ESR1: variants seen among roughly 807,000 people sequenced by gnomAD.
ESR1 encodes estrogen receptor 1.
ESR1 carries 12 observed loss-of-function variants against 52.7 expected under a neutral mutation model. The ratio of observed to expected loss-of-function variants is 0.23; its 90% confidence interval spans 0.15 to 0.37. The LOEUF (loss-of-function observed/expected upper bound fraction) is 0.37. Among genes scored for constraint, ESR1 ranks in the 10% least tolerant of loss-of-function variants. The probability of loss-of-function intolerance (pLI) is 1.00; values close to 1 mark genes in which losing one functional copy is unlikely to be tolerated. For synonymous variants in ESR1, 305 were observed against 316.8 expected, an observed-to-expected ratio of 0.96 and a Z score of 0.39; for missense variants, 584 against 779.7, an observed-to-expected ratio of 0.75 and a Z score of 2.99.
At chr6:151,988,294 T>C (rs1452800410) in intron 4 of ESR1, among the ~76,000 whole-genome samples, 1 of 152,052 alleles carries the variant, frequency 6.6e-6, no homozygotes, top group Non-Finnish European at 1.5e-5. Flanking sequence ...TAGATTATCA[T>C]AAGGAGTGCA....
At chr6:151,664,043 C>T (rs1332298604) in intron 1 of ESR1, among the ~76,000 whole-genome samples, 1 of 152,108 alleles carries the variant, frequency 6.6e-6, no homozygotes, top group East Asian at 1.9e-4. Context: ...GTTTCCACTG[C>T]CCTTTGTTTT....
At chr6:152,040,816 A>C (rs2045726060) in intron 5 of ESR1, among the ~76,000 whole-genome samples, 2 of 152,186 alleles carry the variant, frequency 1.3e-5, no homozygotes, top group Non-Finnish European at 2.9e-5. Flanking sequence ...CCATGAGGCC[A>C]TCAGTGCAGG....
At chr6:151,718,754 G>A (rs79041188) in intron 2 of ESR1, among the ~76,000 whole-genome samples, 1,908 of 152,310 alleles carry the variant, frequency 0.013, 17 homozygotes, top group Non-Finnish European at 0.019. Context: ...GAAAAGGAGA[G>A]CAGAGTAGAG....
intron 2 of ESR1, among the ~76,000 whole-genome samples, chr6:151,771,590 T>C (rs1583212567): frequency 6.6e-6 from 1 of 152,212 alleles, no homozygotes; most frequent in Admixed American, 6.5e-5. Context: ...CCTTAATATA[T>C]CATGGAGTGA....
chr6:151,694,796 A>G (rs1779208577), intron 1 of ESR1, among the ~76,000 whole-genome samples: 1 of 47,208 alleles, frequency 2.1e-5, no homozygotes, highest in Non-Finnish European at 4.6e-5. Flanking sequence ...AAAAAAAGAC[A>G]AAAAAAAAAA....
chr6:151,891,736 ATGAG>A (rs1406060349), intron 3 of ESR1, among the ~76,000 whole-genome samples: 2 of 152,180 alleles, frequency 1.3e-5, no homozygotes, highest in African/African-American at 4.8e-5. Context: ...AGACATATGC[ATGAG>A]TAAGATATTA....
intron 1 of ESR1, among the ~76,000 whole-genome samples, chr6:151,683,586 G>A (rs1778537899): frequency 6.6e-6 from 1 of 152,254 alleles, no homozygotes; most frequent in Admixed American, 6.5e-5. Context: ...TAGGAGGCAT[G>A]GGAGATACAG....
At chr6:151,714,254 A>C (rs1780849845) in intron 2 of ESR1, among the ~76,000 whole-genome samples, 3 of 152,148 alleles carry the variant, frequency 2.0e-5, no homozygotes, top group Non-Finnish European at 4.4e-5. Flanking sequence ...TTTTACTTCT[A>C]ATTATGTGGT....
chr6:151,893,595 A>T lies in ESR1; in HGVS notation c.760+12824A>T, dbSNP rs373533320. 6.1e-4 allele frequency among the ~76,000 whole-genome samples: 93 copies of T among 152,210 alleles called. 1 individual carries two copies. In the East Asian group the frequency reaches 0.015, roughly 24 times the overall value. ...GTGATATATTTTATTTAACTAATAT[A>T]CCCCAAATAGTATTTCAATACAGAA... On this transcript the variant is annotated intron_variant, in intron 3 of 7. Coordinates refer to ENST00000206249, the MANE Select transcript of ESR1 (RefSeq NM_000125.4).
At chr6:151,702,159 T>C (rs1258114366) in intron 2 of ESR1, among the ~76,000 whole-genome samples, 2 of 152,190 alleles carry the variant, frequency 1.3e-5, no homozygotes, top group Non-Finnish European at 2.9e-5. Flanking sequence ...GTACACCTAC[T>C]ATCTGATGGG....
At chr6:152,026,147 T>C (rs2044129597) in intron 5 of ESR1, among the ~76,000 whole-genome samples, 1 of 152,080 alleles carries the variant, frequency 6.6e-6, no homozygotes, top group Non-Finnish European at 1.5e-5. Context: ...AAATGTTCCA[T>C]GTATACTTGA....
intron 1 of ESR1, among the ~76,000 whole-genome samples, chr6:151,691,421 C>T (rs1180420259): frequency 2.0e-5 from 3 of 152,158 alleles, no homozygotes; most frequent in Admixed American, 1.3e-4. Context: ...AGGAAATGCT[C>T]GCTGAACTGT....
At chr6:152,021,578 A>G (rs9340994) in intron 5 of ESR1, among the ~76,000 whole-genome samples, 6,288 of 152,216 alleles carry the variant, frequency 0.041, 174 homozygotes, top group Middle Eastern at 0.075. Flanking sequence ...CCATTCTCCA[A>G]TGGTGCCAAT....
chr6:152,108,728 G>A (rs2051096697), intron 6 of ESR1, among the ~76,000 whole-genome samples: 1 of 152,156 alleles, frequency 6.6e-6, no homozygotes, highest in African/African-American at 2.4e-5. Context: ...CCTGACTGGG[G>A]CTGGATTACA....
At chr6:151,925,025 G>C (rs772747324) in intron 3 of ESR1, among the ~76,000 whole-genome samples, 1 of 152,062 alleles carries the variant, frequency 6.6e-6, no homozygotes, top group Non-Finnish European at 1.5e-5. Flanking sequence ...AGGTCTTTGA[G>C]GGATTTCCAC....
At chr6:151,921,734 T>G (rs1228757059) in intron 3 of ESR1, among the ~76,000 whole-genome samples, 4 of 152,218 alleles carry the variant, frequency 2.6e-5, no homozygotes, top group Admixed American at 6.5e-5. Context: ...CATGAATGTC[T>G]TCTTTTGAAA....
chr6:151,782,122 A>T (rs1478002241), intron 2 of ESR1, among the ~76,000 whole-genome samples: 1 of 152,214 alleles, frequency 6.6e-6, no homozygotes, highest in South Asian at 2.1e-4. Context: ...AAAACTGAAG[A>T]CTTCAAATTT....
intron 2 of ESR1, among the ~76,000 whole-genome samples, chr6:151,732,899 C>G (rs1782364353): frequency 6.6e-6 from 1 of 152,190 alleles, no homozygotes; most frequent in Non-Finnish European, 1.5e-5. Flanking sequence ...AATCTAACCT[C>G]TGCAGCTGCA....
chr6:151,859,145 A>T (rs1159299109), intron 2 of ESR1, among the ~76,000 whole-genome samples: 1 of 152,004 alleles, frequency 6.6e-6, no homozygotes, highest in Non-Finnish European at 1.5e-5. Flanking sequence ...TATTTTTTTC[A>T]TGTCTTGTAT....
Sources: allele counts gnomAD v4.1 joint callset (sites outside exome capture counted in the v4.1 genomes callset), GRCh38; gene constraint gnomAD v4.1.1; transcripts MANE v1.5; gene names NCBI Gene and HGNC (gene_info 2026-07-23, HGNC 2026-07-21).